The following UBE3B variants were observed in gnomAD, a reference collection of about 807,000 sequenced individuals.
UBE3B encodes ubiquitin protein ligase E3B.
In UBE3B, 80 loss-of-function variants were observed where a neutral mutation model predicts 132.3. The observed-to-expected ratio is 0.60, with a 90% confidence interval of 0.50 to 0.73. The LOEUF (loss-of-function observed/expected upper bound fraction) is 0.73, where lower values mean the gene tolerates loss of function less well. UBE3B is among the 30% of genes least tolerant of loss of function. The pLI is 0.00. For synonymous variants in UBE3B, 487 were observed against 520.4 expected (o/e 0.94, Z 0.87); for missense variants, 1,196 against 1,362.5 (o/e 0.88, Z 1.92).
chr12:109,500,399 C>T (rs1878815125), intron 12 of UBE3B, among the ~76,000 whole-genome samples: 1 of 152,254 alleles, frequency 6.6e-6, no homozygotes, highest in Non-Finnish European at 1.5e-5. Context: ...CAGCTGTTTT[C>T]TTGTTCACAT....
chr12:109,541,069 G>A (rs1028947072), downstream of UBE3B, among the ~76,000 whole-genome samples: 5 of 152,324 alleles, frequency 3.3e-5, no homozygotes, highest in South Asian at 2.1e-4. Flanking sequence ...GCAGCCTTGC[G>A]CTCCTGGGGC....
At chr12:109,544,702 G>A in the UBE3B span, among the ~76,000 whole-genome samples, 5 of 152,158 alleles carry the variant, frequency 3.3e-5, no homozygotes, top group Non-Finnish European at 7.3e-5. Flanking sequence ...GCCACATGGG[G>A]TAAGCTACTG....
At chr12:109,533,421 A>G (rs1025828234) in intron 26 of UBE3B, 45 bp from the exon 27 acceptor site, 1 of 1,543,986 alleles carries the variant, frequency 6.5e-7, no homozygotes, top group African/African-American at 1.4e-5. Context: ...GTCCTGGAAG[A>G]GCAGGAGCCT....
In UBE3B at chr12:109,485,323, C is replaced by T. The variant is rs1470071662; in HGVS notation, c.283-689C>T. ...ACTGGGCCCTTGGGAGGAAACAGGA[C>T]GGGCAAGATCTCTACGCTCATGGAG... On this transcript the variant is annotated intron_variant, in intron 4 of 27. Transcript: ENST00000342494. Among the ~76,000 whole-genome samples, 7 of 152,284 alleles carry T rather than the reference C, an allele frequency of 4.6e-5. No homozygotes were observed. The East Asian group carries it at 7.7e-4, about 17-fold the overall frequency.
intron 1 of UBE3B, among the ~76,000 whole-genome samples, chr12:109,478,546 C>T (rs939131324): frequency 4.6e-5 from 7 of 152,094 alleles, no homozygotes; most frequent in Admixed American, 3.9e-4. Context: ...TTTGGGAGGC[C>T]GAGGCGGGCG....
At chr12:109,503,001 T>G (rs1332893372) in intron 13 of UBE3B, 22 bp from the exon 14 acceptor site, 2 of 1,613,988 alleles carry the variant, frequency 1.2e-6, no homozygotes, top group Admixed American at 1.7e-5. Context: ...GCTGCTCACA[T>G]GTCTTCTTTT....
the UBE3B span, among the ~76,000 whole-genome samples, chr12:109,547,472 C>T: frequency 7.2e-5 from 11 of 152,280 alleles, no homozygotes; most frequent in East Asian, 1.9e-4. The surrounding 1 kb of genome is among the most constrained non-coding windows in gnomAD (Gnocchi z 4.1). Context: ...CATGTACACA[C>T]GCACACGCAT....
chr12:109,526,834 G>A (rs1592966036), intron 24 of UBE3B, among the ~76,000 whole-genome samples: 2 of 149,322 alleles, frequency 1.3e-5, no homozygotes, highest in East Asian at 2.0e-4. Context: ...TCGCACCAGC[G>A]CACTCCAGCC....
At chr12:109,523,387 G>A (rs746084692) in intron 21 of UBE3B, among the ~76,000 whole-genome samples, 1 of 152,226 alleles carries the variant, frequency 6.6e-6, no homozygotes, top group Non-Finnish European at 1.5e-5. Context: ...CCAGCCTGCA[G>A]CAAGGCTTAC....
At chr12:109,510,262 A>G in intron 16 of UBE3B, 82 bp from the exon 17 acceptor site, 2 of 1,128,630 alleles carry the variant, frequency 1.8e-6, no homozygotes, top group Middle Eastern at 2.0e-4. Flanking sequence ...ACTTGATGAC[A>G]ACTGCGGAAG....
intron 12 of UBE3B, 99 bp from the exon 13 acceptor site, chr12:109,501,272 C>G (rs1878948822): frequency 6.8e-7 from 1 of 1,461,450 alleles, no homozygotes; most frequent in Admixed American, 2.0e-5. Flanking sequence ...CAGGTCCTAG[C>G]TACAGCTCCG....
downstream of UBE3B, among the ~76,000 whole-genome samples, chr12:109,539,802 C>T (rs7965773): frequency 0.17 from 25,515 of 152,088 alleles, 2,200 homozygotes; most frequent in African/African-American, 0.18. Flanking sequence ...TGTGCAGGCT[C>T]CCTGTGTGCC....
At chr12:109,490,717 C>G in intron 8 of UBE3B, 1 of 1,428,748 alleles carries the variant, frequency 7.0e-7, no homozygotes, top group Non-Finnish European at 9.1e-7. Flanking sequence ...GAATTTCTAA[C>G]CATAATATTT....
chr12:109,510,439 G>A lies in UBE3B; in HGVS notation c.1837G>A (p.Glu613Lys), dbSNP rs769473261. Residue 613 changes from glutamate (E) to lysine (K), a missense_variant, in exon 17 of 28, where the codon GAG becomes AAG. Glu to Lys is a moderately conservative substitution (Grantham distance 56). Coordinates refer to ENST00000342494, the MANE Select transcript of UBE3B (RefSeq NM_130466.4). ...ERDCRRRFTP[E>K]DHWLRKDLKP... ...GGACTGCCGGCGGCGCTTCACCCCC[G>A]AGGACCACTGGCTGCGAAAGTGAGC... 5.6e-5 allele frequency: 90 copies of A among 1,611,798 alleles called. No individual in the cohort carries two copies. The highest frequency in any genetic ancestry group is 7.3e-5 in the Non-Finnish European group (86 of 1,179,300).
At chr12:109,497,645 A>T (rs1221411164) in intron 9 of UBE3B, among the ~76,000 whole-genome samples, 173 bp from the exon 10 acceptor site, 1 of 152,176 alleles carries the variant, frequency 6.6e-6, no homozygotes. Flanking sequence ...CAGCAACTGG[A>T]CCATCACTGA....
In UBE3B at chr12:109,525,787, G is replaced by A. The variant is rs572824539; in HGVS notation, c.2569-571G>A. Among the ~76,000 whole-genome samples, 4 of 152,148 alleles carry A rather than the reference G, an allele frequency of 2.6e-5. No individual in the cohort carries two copies. In the East Asian group the frequency reaches 7.7e-4, roughly 29 times the overall value. ...CTCTAATATGAGCAAAAGATGAAAA[G>A]ATAATGAAACTTCTAACAAAAAAAA... On this transcript the variant is annotated intron_variant, in intron 23 of 27. Transcript: ENST00000342494.
intron 12 of UBE3B, 61 bp from the exon 13 acceptor site, chr12:109,501,310 G>GCTGGCC: frequency 6.2e-7 from 1 of 1,601,708 alleles, no homozygotes; most frequent in South Asian, 1.1e-5. Context: ...AACTGTGTGG[G>GCTGGCC]CTGGCCCTGG....
chr12:109,495,083 CT>C, intron 9 of UBE3B, among the ~76,000 whole-genome samples: 1 of 152,332 alleles, frequency 6.6e-6, no homozygotes, highest in Non-Finnish European at 1.5e-5. Flanking sequence ...ACATGGTTCT[CT>C]TTTCATGTGC....
chr12:109,481,104 C>CA (rs1344961435), intron 1 of UBE3B, among the ~76,000 whole-genome samples: 3,853 of 104,754 alleles, frequency 0.037, 56 homozygotes, highest in Admixed American at 0.051. Flanking sequence ...GACTCCGTCT[C>CA]AAAAAAAAAA....
Sources: allele counts gnomAD v4.1 joint callset (sites outside exome capture counted in the v4.1 genomes callset), GRCh38; gene constraint gnomAD v4.1.1; non-coding constraint Gnocchi (gnomAD v3.1); transcripts MANE v1.5; gene names NCBI Gene and HGNC (gene_info 2026-07-23, HGNC 2026-07-21).